Variants in PTPRG observed in about 807,000 individuals in gnomAD.
PTPRG encodes protein tyrosine phosphatase receptor type G, also known as receptor-type tyrosine-protein phosphatase gamma.
A neutral mutation model predicts 165.3 loss-of-function variants in PTPRG; 102 were observed. That is an observed-to-expected ratio of 0.62 (90% CI 0.53 to 0.73). The LOEUF is 0.73. Ranked by LOEUF, PTPRG falls within the 30% of genes least tolerant of loss-of-function variation. The pLI, the probability that PTPRG is intolerant of heterozygous loss-of-function variation, is 0.00. For missense variants in PTPRG, 1,866 were observed against 1,861.4 expected, an observed-to-expected ratio of 1.00 and a Z score of -0.05; for synonymous variants, 675 against 669.5, an observed-to-expected ratio of 1.01 and a Z score of -0.13.
At chr3:61,594,909 A>T (rs1700658177) in intron 1 of PTPRG, among the ~76,000 whole-genome samples, 1 of 152,224 alleles carries the variant, frequency 6.6e-6, no homozygotes, top group African/African-American at 2.4e-5. Flanking sequence ...GCATAGCTAA[A>T]GTCTGAAATT....
At chr3:61,648,300 C>T (rs1702260122) in intron 1 of PTPRG, among the ~76,000 whole-genome samples, 1 of 152,218 alleles carries the variant, frequency 6.6e-6, no homozygotes, top group Admixed American at 6.5e-5. Flanking sequence ...CTTAGTTGGA[C>T]TTAGCAGCAC....
At chr3:61,741,648 A>G (rs2032989422) in intron 1 of PTPRG, among the ~76,000 whole-genome samples, 1 of 152,210 alleles carries the variant, frequency 6.6e-6, no homozygotes, top group Admixed American at 6.5e-5. Context: ...TCACCTTTGC[A>G]TAACCTTTGT....
intron 1 of PTPRG, among the ~76,000 whole-genome samples, chr3:61,608,201 G>C (rs779238133): frequency 3.2e-4 from 48 of 151,896 alleles, no homozygotes; most frequent in Admixed American, 2.6e-4. Context: ...ACAGAGCCTC[G>C]GTTTTGTACA....
intron 5 of PTPRG, chr3:62,124,616 G>A (rs748500566): frequency 1.1e-3 from 175 of 153,034 alleles, no homozygotes; most frequent in Non-Finnish European, 1.6e-3. Flanking sequence ...CATGCTGACC[G>A]CGAGGGAAGG....
At chr3:61,762,959 T>C (rs595514) in intron 2 of PTPRG, among the ~76,000 whole-genome samples, 127,882 of 152,032 alleles carry the variant, frequency 0.84, 54,019 homozygotes, top group East Asian at 0.94. Context: ...AGATGTCAAA[T>C]ACTGAGTACA....
chr3:61,865,914 TATC>T (rs1223602022), intron 2 of PTPRG, among the ~76,000 whole-genome samples: 1 of 152,202 alleles, frequency 6.6e-6, no homozygotes, highest in Non-Finnish European at 1.5e-5. Context: ...GACATCTAAT[TATC>T]ATCCTATAGG....
intron 2 of PTPRG, among the ~76,000 whole-genome samples, chr3:61,758,639 G>C (rs557108368): frequency 2.0e-5 from 3 of 152,066 alleles, no homozygotes; most frequent in Admixed American, 6.5e-5. Context: ...TTTTAGTAGA[G>C]ACGGGGTTTC....
rs373590197 is a variant in PTPRG, at chr3:62,003,373, A to G, written c.395A>G (p.Tyr132Cys). 1.3e-4 allele frequency: 211 copies of G among 1,613,760 alleles called. No individual in the cohort carries two copies. In the East Asian group the frequency reaches 1.8e-3, roughly 14 times the overall value. Residue 132 changes from tyrosine (Y) to cysteine (C), a missense_variant, in exon 4 of 30, where the codon TAT becomes TGT. Tyr to Cys is a radical substitution (Grantham distance 194). Around this residue, in one of 3 missense-constraint regions of PTPRG, gnomAD observed 408 missense variants for 376.2 expected, o/e 1.08. Transcript: ENST00000474889. ...KTVAILLKDD[Y>C]FVSGAGLPGR... Reference sequence around the variant, plus strand: ...GTCGCCATCCTTCTGAAAGACGACTATTTTGTCAGTGGAGCTGGTCTACCT... The same window carrying G: ...GTCGCCATCCTTCTGAAAGACGACTGTTTTGTCAGTGGAGCTGGTCTACCT...
intron 1 of PTPRG, among the ~76,000 whole-genome samples, chr3:61,673,260 C>A (rs1703099357): frequency 6.6e-6 from 1 of 152,340 alleles, no homozygotes; most frequent in South Asian, 2.1e-4. Context: ...GAATCACAGT[C>A]TTTGCGCTTT....
intron 1 of PTPRG, among the ~76,000 whole-genome samples, chr3:61,657,501 A>G (rs112184237): frequency 1.5e-3 from 226 of 152,324 alleles, no homozygotes; most frequent in Admixed American, 3.4e-3. Flanking sequence ...TAAGCTGGGC[A>G]TGATGGTGAG....
rs531915598 is a variant in PTPRG, at chr3:62,224,322, C to T, written c.2288+5339C>T. 8.3e-4 allele frequency among the ~76,000 whole-genome samples: 127 copies of T among 152,328 alleles called. No homozygotes were observed. Among genetic ancestry groups the T allele is most frequent in the Admixed American group, 2.3e-3 (35 of 15,304 alleles). On this transcript the variant is annotated intron_variant, in intron 13 of 29. Coordinates refer to ENST00000474889, the MANE Select transcript of PTPRG (RefSeq NM_002841.4). The surrounding 1 kb of genome is among the most constrained non-coding windows in gnomAD (Gnocchi z 4.9). ...CACACAAAGGTTTATTTCCCACCCACGTGAGGTCTGACAGGGTTGAGCCGC... is the reference window on the plus strand; with the variant it reads ...CACACAAAGGTTTATTTCCCACCCATGTGAGGTCTGACAGGGTTGAGCCGC...
rs1186605774 is a variant in PTPRG, at chr3:62,294,779, C to CTGTT, written c.*1473_*1476dup. The CTGTT allele has an allele frequency of 6.6e-6, 1 of 152,080 alleles. No individual in the cohort carries two copies. The highest frequency in any genetic ancestry group is 1.5e-5 in the Non-Finnish European group (1 of 68,018). The allele number at this position is 152,080 out of a possible 1,614,324, so 9.4% of individuals were successfully genotyped here. A position where few individuals can be genotyped will look rare whatever the true frequency, so the allele number is the denominator to read the frequency against. On this transcript the variant is annotated 3_prime_UTR_variant, in exon 30 of 30. Coordinates refer to ENST00000474889, the MANE Select transcript of PTPRG (RefSeq NM_002841.4). ...AGTGAAATCATCACCAGAACTGGGC[C>CTGTT]TGTTAGGAAGAATAGGGTTTTATTT...
At chr3:62,091,863 C>T (rs914233820) in intron 5 of PTPRG, among the ~76,000 whole-genome samples, 1 of 151,950 alleles carries the variant, frequency 6.6e-6, no homozygotes, top group African/African-American at 2.4e-5. Context: ...TTGAGTTCCC[C>T]ATGGTCTAAA....
intron 2 of PTPRG, among the ~76,000 whole-genome samples, chr3:61,949,618 C>G (rs1466899912): frequency 2.0e-5 from 3 of 152,150 alleles, no homozygotes; most frequent in Admixed American, 1.3e-4. Flanking sequence ...GGTTAAGCAA[C>G]CAAGTTTCCA....
intron 4 of PTPRG, among the ~76,000 whole-genome samples, chr3:62,008,078 T>C (rs2041337995): frequency 6.6e-6 from 1 of 152,240 alleles, no homozygotes; most frequent in Admixed American, 6.5e-5. Flanking sequence ...GCCACAGTTA[T>C]CTATGACAGC....
intron 2 of PTPRG, among the ~76,000 whole-genome samples, chr3:61,949,609 G>A (rs1315703548): frequency 1.3e-5 from 2 of 152,162 alleles, no homozygotes; most frequent in Non-Finnish European, 2.9e-5. Flanking sequence ...ACAGAGAGGG[G>A]TTAAGCAACC....
chr3:62,186,567 C>CTTTTTTTTTTTTTTTTTTTTTTTTTT (rs35133425), intron 8 of PTPRG, among the ~76,000 whole-genome samples: 1 of 117,516 alleles, frequency 8.5e-6, no homozygotes, highest in African/African-American at 3.5e-5. Context: ...TTTTCTTTTC[C>CTTTTTTTTTTTTTTTTTTTTTTTTTT]TTTTTTTTTT....
chr3:62,182,985 A>C (rs557730688), intron 8 of PTPRG, among the ~76,000 whole-genome samples: 1 of 152,356 alleles, frequency 6.6e-6, no homozygotes, highest in Admixed American at 6.5e-5. Flanking sequence ...TACGTTTGCT[A>C]TATGTCAGTC....
At chr3:61,840,386 A>G (rs2107326004) in intron 2 of PTPRG, among the ~76,000 whole-genome samples, 1 of 152,320 alleles carries the variant, frequency 6.6e-6, no homozygotes, top group Non-Finnish European at 1.5e-5. Context: ...TAATTCAAGA[A>G]GTAAATGCTT....
Sources: allele counts gnomAD v4.1 joint callset (sites outside exome capture counted in the v4.1 genomes callset), GRCh38; gene constraint gnomAD v4.1.1; regional missense constraint gnomAD v4.1.1; non-coding constraint Gnocchi (gnomAD v3.1); transcripts MANE v1.5; gene names NCBI Gene and HGNC (gene_info 2026-07-23, HGNC 2026-07-21).